The following PEX5L variants were observed in gnomAD, a reference collection of about 807,000 sequenced individuals.
PEX5L encodes the protein peroxisomal biogenesis factor 5 like, also known as PEX5-related protein.
In PEX5L, 30 loss-of-function variants were observed where a neutral mutation model predicts 84.0. The ratio of observed to expected loss-of-function variants is 0.36; its 90% CI spans 0.27 to 0.48. The LOEUF is 0.48. Ranked by LOEUF, PEX5L falls within the 20% of genes least tolerant of loss-of-function variation. The pLI, the probability that PEX5L is intolerant of heterozygous loss-of-function variation, is 0.99. For synonymous variants in PEX5L, 270 were observed against 283.1 expected, an observed-to-expected ratio of 0.95 and a Z score of 0.46; for missense variants, 533 against 754.6, an observed-to-expected ratio of 0.71 and a Z score of 3.44.
At chr3:179,876,106 T>TA (rs1752295902) in intron 5 of PEX5L, among the ~76,000 whole-genome samples, 1 of 152,158 alleles carries the variant, frequency 6.6e-6, no homozygotes, top group Admixed American at 6.5e-5. Flanking sequence ...GCTTAGTTCT[T>TA]ACAGATAAAA....
chr3:179,942,238 A>G (rs1776337644), intron 2 of PEX5L, among the ~76,000 whole-genome samples: 1 of 152,132 alleles, frequency 6.6e-6, no homozygotes, highest in South Asian at 2.1e-4. Context: ...TTCTCCCAAG[A>G]AGCCTGGGCC....
chr3:179,811,699 C>G (rs1307492905), intron 11 of PEX5L, 102 bp downstream of exon 11: 5 of 899,178 alleles, frequency 5.6e-6, no homozygotes, highest in African/African-American at 4.9e-5. Flanking sequence ...TTTACAAATT[C>G]TTTACACTGT....
rs917410061 is a variant in PEX5L at position 179,798,125 on chromosome 3, G to A, written c.*3703C>T. 2.0e-5 allele frequency: 3 copies of A among 152,178 alleles called. No individual in the cohort carries two copies. Among genetic ancestry groups the A allele is most frequent in the African/African-American group, 4.8e-5 (2 of 41,432 alleles). 9.4% of individuals were successfully genotyped at this position (152,178 alleles called of 1,614,324 possible). A position where few individuals can be genotyped will look rare whatever the true frequency, so the allele number is the denominator to read the frequency against. ...TTTATCTATACAAGTATTTAGACAT[G>A]GGTCCCACGTTCAATATAATAGTAT... On this transcript the variant is annotated 3_prime_UTR_variant, in exon 15 of 15. Transcript: ENST00000467460.
rs1030145590 is a variant in PEX5L at position 179,797,708 on chromosome 3, A to C, written c.*4120T>G. On this transcript the variant is annotated 3_prime_UTR_variant, in exon 15 of 15. Coordinates refer to ENST00000467460, the MANE Select transcript of PEX5L (RefSeq NM_016559.3). ...GATGATGATAGGGAAACTGCAGTAA[A>C]ATGTGGATACGAAATGAATTTGAAA... 6.6e-6 allele frequency: 1 copy of C among 151,156 alleles called. No individual in the cohort carries two copies. Among genetic ancestry groups the C allele is most frequent in the African/African-American group, 2.4e-5 (1 of 41,252 alleles). The allele number at this position is 151,156 out of a possible 1,614,324, so 9.4% of individuals were successfully genotyped here.
At chr3:179,816,028 G>A (rs1725944845) in intron 9 of PEX5L, 24 bp from the exon 10 acceptor site, 1 of 1,608,522 alleles carries the variant, frequency 6.2e-7, no homozygotes, top group Non-Finnish European at 8.5e-7. Context: ...AAAGGCCAGT[G>A]CATGAGCCAT....
rs542275179 is a variant in PEX5L, at chr3:179,942,737, C to T, written c.93+28857G>A. Among the ~76,000 whole-genome samples the T allele has an allele frequency of 7.0e-4, 107 of 152,344 alleles. 2 individuals are homozygous for T. Among genetic ancestry groups the T allele is most frequent in the Middle Eastern group, 6.8e-3 (2 of 294 alleles). On this transcript the variant is annotated intron_variant, in intron 2 of 14. Coordinates refer to ENST00000467460, the MANE Select transcript of PEX5L (RefSeq NM_016559.3). ...TCGACCCTGCTCCAGCCCTTCAAGG[C>T]CAGCTGCCTTTTGATGGGAACAGGG...
intron 2 of PEX5L, among the ~76,000 whole-genome samples, chr3:179,915,319 C>T (rs1766646130): frequency 6.6e-6 from 1 of 152,160 alleles, no homozygotes; most frequent in African/African-American, 2.4e-5. Flanking sequence ...TTTTACCGTG[C>T]AGTAGTGCTT....
chr3:179,805,004 C>T (rs146720326), intron 14 of PEX5L, among the ~76,000 whole-genome samples: 1,725 of 151,620 alleles, frequency 0.011, 33 homozygotes, highest in African/African-American at 0.04. Flanking sequence ...CTGTAATCCC[C>T]GCTATTCTGG....
chr3:180,006,075 G>T (rs956853069), intron 1 of PEX5L, among the ~76,000 whole-genome samples: 1 of 152,114 alleles, frequency 6.6e-6, no homozygotes, highest in Non-Finnish European at 1.5e-5. Context: ...ACACAAAAAA[G>T]TACCCAGTTT....
Position 180,026,975 on chromosome 3 carries a change from C to T in PEX5L, c.21+9604G>A, listed in dbSNP as rs749790199. On this transcript the variant is annotated intron_variant, in intron 1 of 14. Coordinates refer to ENST00000467460, the MANE Select transcript of PEX5L (RefSeq NM_016559.3). ...GACTATCTTGGAGCCCCGGTATGAA[C>T]GTGTGGCTCAGCTCCACCAATCAGC... 6.7e-4 allele frequency among the ~76,000 whole-genome samples: 102 copies of T among 152,174 alleles called. 1 individual carries two copies. The highest frequency in any genetic ancestry group is 2.4e-4 in the Non-Finnish European group (16 of 68,022).
intron 7 of PEX5L, among the ~76,000 whole-genome samples, chr3:179,867,382 C>A (rs1011603007): frequency 1.1e-4 from 17 of 152,208 alleles, no homozygotes; most frequent in African/African-American, 3.9e-4. Flanking sequence ...TTTTCCACTT[C>A]CACAAATATT....
intron 8 of PEX5L, among the ~76,000 whole-genome samples, chr3:179,828,737 A>T (rs113255876): frequency 2.6e-5 from 4 of 152,086 alleles, no homozygotes; most frequent in Admixed American, 2.6e-4. Context: ...GTGTATGAGC[A>T]TCTAAAGTTC....
Position 179,879,946 on chromosome 3 carries a change from G to C in PEX5L, c.488C>G (p.Thr163Ser), listed in dbSNP as rs376209700. ...TGCCTTACCTAGATCTAAGGATGAA[G>C]TCTCCGGGACTCTGAGAGGCTGGCC... ...QRGQPLRVPE[T>S]SSLDLDIQTQ... is the part of the protein sequence containing the mutation. Residue 163 changes from threonine to serine, a missense_variant, in exon 5 of 15, where the codon ACT becomes AGT. Physicochemically the swap from Thr to Ser is moderately conservative, Grantham distance 58 (BLOSUM62 1). Around this residue, in one of 8 missense-constraint regions of PEX5L, gnomAD observed 259 missense variants for 301.7 expected, o/e 0.86. Transcript: ENST00000467460. The C allele has an allele frequency of 1.9e-6, 3 of 1,591,042 alleles. No homozygotes were observed. Among genetic ancestry groups the C allele is most frequent in the Non-Finnish European group, 2.6e-6 (3 of 1,171,844 alleles).
chr3:180,013,850 C>T (rs1056548114), intron 1 of PEX5L, among the ~76,000 whole-genome samples: 1 of 152,046 alleles, frequency 6.6e-6, no homozygotes, highest in African/African-American at 2.4e-5. Flanking sequence ...TTTTTTCTAC[C>T]TTTCTTTTTG....
chr3:179,936,467 G>A (rs1774645612), intron 2 of PEX5L, among the ~76,000 whole-genome samples: 2 of 152,158 alleles, frequency 1.3e-5, no homozygotes, highest in African/African-American at 4.8e-5. Flanking sequence ...TTTAGGAAAT[G>A]TTAGCTATTA....
intron 8 of PEX5L, among the ~76,000 whole-genome samples, chr3:179,827,856 T>C (rs1157236550): frequency 6.6e-6 from 1 of 152,210 alleles, no homozygotes; most frequent in Non-Finnish European, 1.5e-5. Flanking sequence ...GAAAATTCAG[T>C]GACCAAACTT....
At chr3:179,845,127 CA>C (rs1290903974) in intron 8 of PEX5L, among the ~76,000 whole-genome samples, 1 of 152,218 alleles carries the variant, frequency 6.6e-6, no homozygotes, top group East Asian at 1.9e-4. Flanking sequence ...GACAGGGATT[CA>C]CCCCTTTTAT....
intron 3 of PEX5L, chr3:179,888,182 G>A: frequency 7.8e-7 from 1 of 1,289,204 alleles, no homozygotes; most frequent in Non-Finnish European, 1.0e-6. Flanking sequence ...GACATGTTCT[G>A]GTTAGCACTG....
At position 179,923,290 on chromosome 3, in the gene PEX5L, CAA is replaced by C. The variant is rs34537913; in HGVS notation, c.94-25046_94-25045del. 5.4e-4 allele frequency among the ~76,000 whole-genome samples: 44 copies of C among 81,078 alleles called. 1 individual carries two copies. The highest frequency in any genetic ancestry group is 1.3e-3 in the South Asian group (3 of 2,240). The allele number at this position is 81,078 out of a possible 152,430, so 53.2% of individuals were successfully genotyped here. ...TGGGCGACAGAGCGAGACTCCATCT[CAA>C]AAAAAAAAAAAAAAAAAAACACCCT... On this transcript the variant is annotated intron_variant, in intron 2 of 14. Coordinates refer to ENST00000467460, the MANE Select transcript of PEX5L (RefSeq NM_016559.3).
Sources: gnomAD v4.1 joint callset for allele counts (sites outside exome capture counted in the v4.1 genomes callset) on GRCh38, gnomAD v4.1.1 for gene constraint, gnomAD v4.1.1 regional missense constraint, MANE v1.5 for transcripts, NCBI Gene and HGNC (gene_info 2026-07-23, HGNC 2026-07-21) for gene names.